The following ARHGAP10 variants were observed in gnomAD, a reference collection of about 807,000 sequenced individuals.
ARHGAP10 encodes the protein Rho GTPase activating protein 10.
A neutral mutation model predicts 108.6 loss-of-function variants in ARHGAP10; 87 were observed. That is an observed-to-expected ratio of 0.80 (90% CI 0.67 to 0.96). ARHGAP10 has a LOEUF of 0.96. Ranked by LOEUF, ARHGAP10 falls within the 40% of genes least tolerant of loss-of-function variation. ARHGAP10 has a pLI of 0.00. For missense variants in ARHGAP10, 939 were observed against 954.5 expected (o/e 0.98, Z 0.21); for synonymous variants, 347 against 341.1 (o/e 1.02, Z -0.19).
intron 5 of ARHGAP10, among the ~76,000 whole-genome samples, chr4:147,860,282 A>C (rs982762562): frequency 6.6e-5 from 10 of 152,162 alleles, no homozygotes; most frequent in Non-Finnish European, 1.3e-4. Flanking sequence ...CTCTACTAAA[A>C]ATACAAAAAA....
intron 1 of ARHGAP10, among the ~76,000 whole-genome samples, chr4:147,775,676 A>G (rs191740133): frequency 6.4e-4 from 97 of 152,232 alleles, no homozygotes; most frequent in African/African-American, 1.1e-3. Flanking sequence ...TGGCTCTGCC[A>G]CTCAGCCTAT....
intron 6 of ARHGAP10, chr4:147,866,044 G>A (rs1042377541): frequency 2.0e-5 from 3 of 152,250 alleles, no homozygotes; most frequent in African/African-American, 7.2e-5. Flanking sequence ...AATGGAGCCT[G>A]CTGGGTGTCA....
At chr4:147,989,527 C>CT (rs1211901717) in intron 18 of ARHGAP10, among the ~76,000 whole-genome samples, 3 of 152,264 alleles carry the variant, frequency 2.0e-5, no homozygotes, top group Non-Finnish European at 4.4e-5. Flanking sequence ...AGACCTACCC[C>CT]TAGGTGCGCA....
chr4:147,735,640 CATA>C (rs1271621803), intron 1 of ARHGAP10, among the ~76,000 whole-genome samples: 2 of 151,942 alleles, frequency 1.3e-5, no homozygotes, highest in Admixed American at 1.3e-4. Flanking sequence ...AGAAGGCTGA[CATA>C]ATAGCAAAGA....
chr4:147,910,170 G>A (rs543517415), intron 12 of ARHGAP10, among the ~76,000 whole-genome samples: 1 of 152,028 alleles, frequency 6.6e-6, no homozygotes, highest in East Asian at 1.9e-4. Context: ...ACCATACCTG[G>A]CCAATTGTTT....
chr4:147,748,306 C>A (rs1729014561), intron 1 of ARHGAP10, among the ~76,000 whole-genome samples: 1 of 152,136 alleles, frequency 6.6e-6, no homozygotes, highest in Admixed American at 6.6e-5. Context: ...ATGTGCCTAC[C>A]AGTCGGGTGA....
intron 18 of ARHGAP10, among the ~76,000 whole-genome samples, chr4:148,009,100 A>G (rs965209797): frequency 3.3e-5 from 5 of 152,114 alleles, no homozygotes; most frequent in African/African-American, 9.7e-5. Flanking sequence ...AAAAAACAAA[A>G]AAGTTATTTG....
intron 3 of ARHGAP10, among the ~76,000 whole-genome samples, chr4:147,831,052 A>G (rs556735268): frequency 7.2e-5 from 11 of 152,172 alleles, no homozygotes; most frequent in African/African-American, 2.7e-4. Context: ...CCACCCCAGA[A>G]CTCTACTGAG....
intron 1 of ARHGAP10, among the ~76,000 whole-genome samples, chr4:147,813,559 G>A (rs1732117282): frequency 6.6e-6 from 1 of 152,252 alleles, no homozygotes; most frequent in South Asian, 2.1e-4. Flanking sequence ...CTGCCAGGCA[G>A]TGACATGGCA....
At chr4:148,054,659 G>A (rs770458564) in intron 20 of ARHGAP10, among the ~76,000 whole-genome samples, 1 of 152,170 alleles carries the variant, frequency 6.6e-6, no homozygotes, top group Admixed American at 6.5e-5. Flanking sequence ...CTCAGCTGGG[G>A]CTTCTCTCCT....
intron 15 of ARHGAP10, among the ~76,000 whole-genome samples, chr4:147,952,037 G>A (rs2126979517): frequency 6.6e-6 from 1 of 152,200 alleles, no homozygotes; most frequent in African/African-American, 2.4e-5. Flanking sequence ...CTTGAAGTCT[G>A]TATTATTTCA....
chr4:147,960,524 C>T (rs1381174678), intron 16 of ARHGAP10, among the ~76,000 whole-genome samples: 1 of 152,020 alleles, frequency 6.6e-6, no homozygotes, highest in Non-Finnish European at 1.5e-5. Flanking sequence ...TTAGGCATTT[C>T]ATTACCAAAA....
At chr4:147,775,908 CACA>C (rs763685246) in intron 1 of ARHGAP10, among the ~76,000 whole-genome samples, 2 of 152,024 alleles carry the variant, frequency 1.3e-5, no homozygotes, top group Non-Finnish European at 2.9e-5. Flanking sequence ...TGACCCTTCC[CACA>C]ACAACATCTC....
intron 7 of ARHGAP10, among the ~76,000 whole-genome samples, chr4:147,869,648 C>A (rs988726807): frequency 1.6e-4 from 24 of 151,968 alleles, no homozygotes. Context: ...AATCTCCCTA[C>A]ATTCTCAACT....
At chr4:148,016,685 G>T (rs555738800) in intron 18 of ARHGAP10, among the ~76,000 whole-genome samples, 1 of 152,042 alleles carries the variant, frequency 6.6e-6, no homozygotes, top group Non-Finnish European at 1.5e-5. Context: ...TTCCAACACC[G>T]TCTACCTGGA....
intron 3 of ARHGAP10, among the ~76,000 whole-genome samples, chr4:147,834,470 C>A (rs1027853175): frequency 6.6e-6 from 1 of 152,002 alleles, no homozygotes; most frequent in Non-Finnish European, 1.5e-5. Context: ...GACCCCATCT[C>A]AAAAAAATTA....
intron 1 of ARHGAP10, among the ~76,000 whole-genome samples, chr4:147,747,404 G>A (rs1419408617): frequency 1.3e-5 from 2 of 152,160 alleles, no homozygotes; most frequent in Middle Eastern, 3.2e-3. Context: ...TAACTACTTA[G>A]GTTCAACCTA....
At chr4:147,881,662 A>T (rs1735332710) in intron 9 of ARHGAP10, among the ~76,000 whole-genome samples, 176 bp from the exon 10 acceptor site, 1 of 152,164 alleles carries the variant, frequency 6.6e-6, no homozygotes, top group Non-Finnish European at 1.5e-5. Flanking sequence ...GAATGACAAA[A>T]ATATTAATAT....
chr4:147,875,290 G>A (rs968765150), intron 8 of ARHGAP10, 140 bp downstream of exon 8: 7 of 964,012 alleles, frequency 7.3e-6, no homozygotes, highest in South Asian at 2.5e-5. Flanking sequence ...CCTAATGGGT[G>A]TATATTTCAT....
Sources: allele counts gnomAD v4.1 joint callset (sites outside exome capture counted in the v4.1 genomes callset), GRCh38; gene constraint gnomAD v4.1.1; transcripts MANE v1.5; gene names NCBI Gene and HGNC (gene_info 2026-07-23, HGNC 2026-07-21).